Variants in CD247 observed in about 807,000 individuals in gnomAD.
The protein encoded by CD247 is CD247 molecule.
A neutral mutation model predicts 30.0 loss-of-function variants in CD247; 13 were observed. The ratio of observed to expected loss-of-function variants is 0.43; its 90% CI spans 0.28 to 0.69. CD247 has a LOEUF of 0.69. Among genes scored for constraint, CD247 ranks in the 30% least tolerant of loss-of-function variants. The probability of loss-of-function intolerance (pLI) is 0.16; values close to 1 mark genes in which losing one functional copy is unlikely to be tolerated. For synonymous variants in CD247, 72 were observed against 80.0 expected, an observed-to-expected ratio of 0.90 and a Z score of 0.53; for missense variants, 193 against 212.6, an observed-to-expected ratio of 0.91 and a Z score of 0.57.
At chr1:167,448,356 C>G in intron 1 of CD247, 1 of 985,438 alleles carries the variant, frequency 1.0e-6, no homozygotes, top group Non-Finnish European at 1.2e-6. Flanking sequence ...CAAAGACTTG[C>G]TGATCCTCAG....
intron 1 of CD247, among the ~76,000 whole-genome samples, chr1:167,472,571 C>T (rs147008187): frequency 2.0e-4 from 30 of 151,576 alleles, no homozygotes; most frequent in South Asian, 1.0e-3. Context: ...ACAGTAACAA[C>T]GAAGCGAAGA....
chr1:167,440,431 G>A (rs1571515175), intron 2 of CD247: 2 of 589,800 alleles, frequency 3.4e-6, no homozygotes, highest in Non-Finnish European at 6.1e-6. Flanking sequence ...TGTACGGCTT[G>A]TCATGGAGGT....
intron 1 of CD247, among the ~76,000 whole-genome samples, chr1:167,450,326 C>A (rs1652295977): frequency 6.6e-6 from 1 of 151,964 alleles, no homozygotes; most frequent in Admixed American, 6.6e-5. Flanking sequence ...CAAGACCCTC[C>A]CTCTACAAAA....
At chr1:167,498,053 A>G (rs1336206784) in intron 1 of CD247, among the ~76,000 whole-genome samples, 1 of 152,156 alleles carries the variant, frequency 6.6e-6, no homozygotes, top group Non-Finnish European at 1.5e-5. Context: ...TGATGGTGCC[A>G]TAGCTTGATC....
intron 4 of CD247, among the ~76,000 whole-genome samples, chr1:167,437,766 T>C (rs1382768315): frequency 1.3e-5 from 2 of 152,096 alleles, no homozygotes; most frequent in Admixed American, 6.5e-5. Context: ...CTCAATTAGA[T>C]AGGAAGAGTA....
intron 1 of CD247, among the ~76,000 whole-genome samples, chr1:167,495,640 T>C (rs1654660069): frequency 6.6e-6 from 1 of 152,202 alleles, no homozygotes; most frequent in South Asian, 2.1e-4. Context: ...AAAATGTCCT[T>C]CAAGCTTGTT....
chr1:167,472,053 C>G (rs1653556016), intron 1 of CD247, among the ~76,000 whole-genome samples: 1 of 151,844 alleles, frequency 6.6e-6, no homozygotes, highest in South Asian at 2.1e-4. Flanking sequence ...AGGCTGGTCT[C>G]AAACTCCTGA....
intron 4 of CD247, among the ~76,000 whole-genome samples, chr1:167,437,157 C>T (rs373571800): frequency 3.3e-5 from 5 of 152,252 alleles, no homozygotes; most frequent in African/African-American, 7.2e-5. Context: ...AATCGCAGCA[C>T]TTTGGTTGGC....
chr1:167,498,146 G>A (rs1302882357), intron 1 of CD247, among the ~76,000 whole-genome samples: 2 of 152,182 alleles, frequency 1.3e-5, no homozygotes, highest in African/African-American at 2.4e-5. Context: ...AGTGGCTTCT[G>A]TTGCTGCTCC....
chr1:167,435,487 A>G, intron 4 of CD247, 53 bp from the exon 5 acceptor site: 1 of 1,451,474 alleles, frequency 6.9e-7, no homozygotes, highest in Non-Finnish European at 9.7e-7. Context: ...AACCCAAGCC[A>G]TGAAAGTACA....
At chr1:167,449,469 CTTTTCA>C (rs971781374) in intron 1 of CD247, among the ~76,000 whole-genome samples, 30 of 152,018 alleles carry the variant, frequency 2.0e-4, no homozygotes, top group African/African-American at 4.1e-4. Flanking sequence ...GATCATTTTT[CTTTTCA>C]TTTTCAAGTA....
At chr1:167,495,359 T>A (rs1401117874) in intron 1 of CD247, among the ~76,000 whole-genome samples, 1 of 152,140 alleles carries the variant, frequency 6.6e-6, no homozygotes, top group African/African-American at 2.4e-5. Context: ...ACTGGGTAAA[T>A]ACTCATAAAT....
chr1:167,434,141 C>T, intron 5 of CD247, 65 bp from the exon 6 acceptor site: 1 of 1,454,444 alleles, frequency 6.9e-7, no homozygotes, highest in Non-Finnish European at 9.7e-7. Flanking sequence ...GGTTCCCCTA[C>T]AACAGGAAGC....
intron 1 of CD247, among the ~76,000 whole-genome samples, chr1:167,471,831 C>CTTTTTTTTTTTTTTTTTTTTTT (rs111891678): frequency 8.5e-6 from 1 of 117,188 alleles, no homozygotes; most frequent in Non-Finnish European, 1.7e-5. Flanking sequence ...CTGTTTCTTT[C>CTTTTTTTTTTTTTTTTTTTTTT]TTTTTTTTTT....
At chr1:167,439,499 G>A in intron 2 of CD247, 99 bp from the exon 3 acceptor site, 13 of 1,041,538 alleles carry the variant, frequency 1.2e-5, no homozygotes, top group Non-Finnish European at 2.0e-5. Context: ...GCCCTACTCC[G>A]CTCCTTGGCA....
intron 1 of CD247, among the ~76,000 whole-genome samples, chr1:167,498,977 G>C (rs1228276599): frequency 6.6e-6 from 1 of 152,214 alleles, no homozygotes; most frequent in Non-Finnish European, 1.5e-5. Context: ...ATTTCAGCTT[G>C]TGTCAGGAAA....
intron 1 of CD247, among the ~76,000 whole-genome samples, chr1:167,489,898 C>A (rs1213086746): frequency 2.0e-5 from 3 of 152,184 alleles, no homozygotes; most frequent in African/African-American, 7.2e-5. Context: ...TGAATACCAC[C>A]CAGTTCGGCC....
At chr1:167,461,307 T>A (rs1332680726) in intron 1 of CD247, among the ~76,000 whole-genome samples, 1 of 152,250 alleles carries the variant, frequency 6.6e-6, no homozygotes, top group African/African-American at 2.4e-5. Context: ...AGATCCACTA[T>A]CAGAGCCAAT....
At chr1:167,505,743 T>C (rs1571597488) in intron 1 of CD247, among the ~76,000 whole-genome samples, 1 of 152,030 alleles carries the variant, frequency 6.6e-6, no homozygotes, top group African/African-American at 2.4e-5. Context: ...GTAGGGGGAG[T>C]GGGGAGGGGT....
Sources: allele counts gnomAD v4.1 joint callset (sites outside exome capture counted in the v4.1 genomes callset), GRCh38; gene constraint gnomAD v4.1.1; transcripts MANE v1.5; gene names NCBI Gene and HGNC (gene_info 2026-07-23, HGNC 2026-07-21).